ATXN7L1: variants seen among roughly 807,000 people sequenced by gnomAD.
The protein encoded by ATXN7L1 is ataxin-7-like protein 1.
A neutral mutation model predicts 70.8 loss-of-function variants in ATXN7L1; 15 were observed. The ratio of observed to expected loss-of-function variants is 0.21; its 90% CI spans 0.14 to 0.33. The LOEUF is 0.33. ATXN7L1 is among the 10% of genes least tolerant of loss of function. ATXN7L1 has a pLI of 1.00. For synonymous variants in ATXN7L1, 440 were observed against 445.1 expected (o/e 0.99, Z 0.14); for missense variants, 975 against 1,097.1 (o/e 0.89, Z 1.57).
chr7:105,686,080 C>A (rs1806152006), intron 3 of ATXN7L1, among the ~76,000 whole-genome samples: 1 of 151,920 alleles, frequency 6.6e-6, no homozygotes, highest in Admixed American at 6.6e-5. Context: ...TCTCCTCGTC[C>A]ATCTAAGGTT....
intron 2 of ATXN7L1, among the ~76,000 whole-genome samples, chr7:105,847,719 G>C (rs1418941421): frequency 6.6e-6 from 1 of 152,182 alleles, no homozygotes; most frequent in East Asian, 1.9e-4. Context: ...CTCTGCCCCA[G>C]TTTACTCGGC....
chr7:105,835,576 C>T (rs192662029), intron 2 of ATXN7L1, among the ~76,000 whole-genome samples: 179 of 152,246 alleles, frequency 1.2e-3, no homozygotes, highest in African/African-American at 4.2e-3. Context: ...CTCCAGTAGA[C>T]CAGCATTTCC....
At chr7:105,832,436 A>T (rs1333797838) in intron 2 of ATXN7L1, among the ~76,000 whole-genome samples, 4 of 152,196 alleles carry the variant, frequency 2.6e-5, no homozygotes, top group African/African-American at 9.6e-5. Flanking sequence ...GAAGATTACG[A>T]TTTGCTACAG....
rs79564649 is a variant in ATXN7L1 at position 105,677,785 on chromosome 7, C to T, written c.356-12497G>A. 4.0e-3 allele frequency among the ~76,000 whole-genome samples: 608 copies of T among 152,342 alleles called. 1 individual carries two copies. The highest frequency in any genetic ancestry group is 0.014 in the African/African-American group (591 of 41,576). Reference sequence around the variant, plus strand: ...CACTTACAAGAATCCTATGGGAGCACACTGTTTAAGGACCACAGGCTGATA... The same window carrying T: ...CACTTACAAGAATCCTATGGGAGCATACTGTTTAAGGACCACAGGCTGATA... On this transcript the variant is annotated intron_variant, in intron 3 of 11. Transcript: ENST00000419735.
chr7:105,712,941 C>T (rs1251077293), intron 3 of ATXN7L1, among the ~76,000 whole-genome samples: 1 of 152,184 alleles, frequency 6.6e-6, no homozygotes, highest in East Asian at 1.9e-4. Flanking sequence ...TGCTATAAAG[C>T]ACTACCTGAG....
intron 2 of ATXN7L1, among the ~76,000 whole-genome samples, chr7:105,821,412 C>T (rs911197556): frequency 6.6e-6 from 1 of 152,232 alleles, no homozygotes; most frequent in Admixed American, 6.5e-5. Context: ...GACTAACACA[C>T]ACCTGCTGCT....
At chr7:105,700,568 A>G (rs1429226391) in intron 3 of ATXN7L1, among the ~76,000 whole-genome samples, 1 of 151,564 alleles carries the variant, frequency 6.6e-6, no homozygotes, top group Non-Finnish European at 1.5e-5. Context: ...TGCTCCATGA[A>G]TGACCATATC....
chr7:105,805,853 G>A (rs1353769892), intron 2 of ATXN7L1, among the ~76,000 whole-genome samples: 1 of 152,166 alleles, frequency 6.6e-6, no homozygotes, highest in Admixed American at 6.5e-5. Context: ...TGAGGATGCT[G>A]GGGGGAAGGG....
chr7:105,664,481 TG>T (rs1170023216), intron 4 of ATXN7L1, among the ~76,000 whole-genome samples: 14 of 145,504 alleles, frequency 9.6e-5, no homozygotes, highest in Non-Finnish European at 7.5e-5. Flanking sequence ...GTATAATATA[TG>T]TATACATATA....
At chr7:105,726,961 G>A (rs1795887619) in intron 3 of ATXN7L1, among the ~76,000 whole-genome samples, 1 of 152,186 alleles carries the variant, frequency 6.6e-6, no homozygotes, top group East Asian at 1.9e-4. Context: ...ATCACAGCAT[G>A]AGGTTCTTTT....
chr7:105,778,366 C>T (rs1323261644), intron 3 of ATXN7L1, among the ~76,000 whole-genome samples: 2 of 147,540 alleles, frequency 1.4e-5, no homozygotes, highest in African/African-American at 5.0e-5. Context: ...AAAAAATTAG[C>T]CAGACATGGT....
At chr7:105,627,054 A>G (rs1012394574) in intron 7 of ATXN7L1, among the ~76,000 whole-genome samples, 1 of 152,172 alleles carries the variant, frequency 6.6e-6, no homozygotes, top group Non-Finnish European at 1.5e-5. Flanking sequence ...AATTTACTTA[A>G]CAAATCTTCT....
intron 7 of ATXN7L1, among the ~76,000 whole-genome samples, chr7:105,637,808 A>G (rs1019082131): frequency 6.6e-6 from 1 of 152,238 alleles, no homozygotes; most frequent in Non-Finnish European, 1.5e-5. Context: ...AAGGACAAAC[A>G]ACCTCTGCTA....
intron 7 of ATXN7L1, among the ~76,000 whole-genome samples, chr7:105,628,993 C>A (rs998096051): frequency 6.6e-6 from 1 of 150,720 alleles, no homozygotes. Context: ...TTTAGAGACA[C>A]GGTCTCTCTC....
At chr7:105,659,288 T>C (rs1029940388) in intron 4 of ATXN7L1, among the ~76,000 whole-genome samples, 1 of 152,218 alleles carries the variant, frequency 6.6e-6, no homozygotes, top group African/African-American at 2.4e-5. Context: ...TCTCCAGGAA[T>C]GGAAATCTCA....
intron 2 of ATXN7L1, among the ~76,000 whole-genome samples, chr7:105,857,523 G>C (rs901565374): frequency 1.3e-5 from 2 of 152,234 alleles, no homozygotes; most frequent in Non-Finnish European, 2.9e-5. Context: ...AGGAAGCACA[G>C]CTCTGGCTTC....
At chr7:105,727,744 G>GTATATATATATATATATA (rs1205624280) in intron 3 of ATXN7L1, among the ~76,000 whole-genome samples, 2 of 31,706 alleles carry the variant, frequency 6.3e-5, no homozygotes, top group African/African-American at 4.6e-4. Context: ...GTGTGTATGT[G>GTATATATATATATATATA]TGTATATATA....
At chr7:105,613,721 A>AG in intron 10 of ATXN7L1, 141 bp downstream of exon 10, 1 of 1,508,238 alleles carries the variant, frequency 6.6e-7, no homozygotes, top group South Asian at 1.3e-5. Context: ...CTCAAAGCAG[A>AG]GGGTGAAAAC....
intron 3 of ATXN7L1, among the ~76,000 whole-genome samples, chr7:105,747,782 T>C (rs1198155104): frequency 6.6e-6 from 1 of 152,126 alleles, no homozygotes; most frequent in Non-Finnish European, 1.5e-5. Flanking sequence ...GTGGAAGTGA[T>C]TGTTTGCTTG....
Sources: allele counts gnomAD v4.1 joint callset (sites outside exome capture counted in the v4.1 genomes callset), GRCh38; gene constraint gnomAD v4.1.1; transcripts MANE v1.5; gene names NCBI Gene and HGNC (gene_info 2026-07-23, HGNC 2026-07-21).